Variants in YAP1 observed in about 807,000 individuals in gnomAD.
The protein encoded by YAP1 is Yes1 associated transcriptional regulator, also known as transcriptional coactivator YAP1.
A neutral mutation model predicts 56.9 loss-of-function variants in YAP1; 5 were observed. That is an observed-to-expected ratio of 0.09 (90% CI 0.05 to 0.18). The LOEUF is 0.18. YAP1 is among the 10% of genes least tolerant of loss of function. YAP1 has a pLI of 1.00. For missense variants in YAP1, 539 were observed against 651.8 expected, an observed-to-expected ratio of 0.83 and a Z score of 1.88; for synonymous variants, 265 against 248.1, an observed-to-expected ratio of 1.07 and a Z score of -0.64.
Position 102,176,417 on chromosome 11 carries a change from A to G in YAP1, c.689-9601A>G, listed in dbSNP as rs375952689. 1.2e-4 allele frequency among the ~76,000 whole-genome samples: 18 copies of G among 152,258 alleles called. No homozygotes were observed. The South Asian group carries it at 2.7e-3, about 23-fold the overall frequency. ...GGGAAGAGTCTTACTAGTGGGACAG[A>G]TTGGAGAAAAGCTTCACAAAGATAT... On this transcript the variant is annotated intron_variant, in intron 3 of 8. Transcript: ENST00000282441.
At chr11:102,158,953 T>C (rs1370122022) in intron 2 of YAP1, among the ~76,000 whole-genome samples, 1 of 152,222 alleles carries the variant, frequency 6.6e-6, no homozygotes, top group African/African-American at 2.4e-5. Flanking sequence ...TTAAGAAATA[T>C]TGTTTATTCT....
chr11:102,173,446 T>G (rs1947039213), intron 3 of YAP1, among the ~76,000 whole-genome samples: 1 of 152,190 alleles, frequency 6.6e-6, no homozygotes, highest in South Asian at 2.1e-4. Flanking sequence ...TTTCTTATAT[T>G]TAAAGCTACT....
rs116678079 is a variant in YAP1, at chr11:102,202,886, A to C, written c.803-3007A>C. Among the ~76,000 whole-genome samples the C allele has an allele frequency of 1.8e-3, 275 of 152,310 alleles. 1 individual carries two copies. The highest frequency in any genetic ancestry group is 6.3e-3 in the African/African-American group (260 of 41,562). ...TGCCACCAATGAAGTATTCTTGCCA[A>C]AAATTGTGATCAGGCCTCTATATTC... On this transcript the variant is annotated intron_variant, in intron 4 of 8. Coordinates refer to ENST00000282441, the MANE Select transcript of YAP1 (RefSeq NM_001130145.3).
chr11:102,178,008 TA>T (rs1947365123), intron 3 of YAP1, among the ~76,000 whole-genome samples: 1 of 152,190 alleles, frequency 6.6e-6, no homozygotes, highest in Admixed American at 6.5e-5. Flanking sequence ...TGCCACTTAC[TA>T]GGTTGGGCTG....
At chr11:102,153,134 A>G (rs975312479) in intron 2 of YAP1, among the ~76,000 whole-genome samples, 3 of 152,248 alleles carry the variant, frequency 2.0e-5, no homozygotes, top group African/African-American at 7.2e-5. Flanking sequence ...GATTTTAATC[A>G]CATCTCCATG....
chr11:102,166,721 A>G (rs1401098245), intron 3 of YAP1, among the ~76,000 whole-genome samples: 2 of 152,202 alleles, frequency 1.3e-5, no homozygotes, highest in Non-Finnish European at 2.9e-5. Flanking sequence ...TAATCATGCT[A>G]AATGCAACTT....
intron 5 of YAP1, 41 bp downstream of exon 5, chr11:102,206,115 G>T (rs994234843): frequency 1.9e-6 from 3 of 1,575,902 alleles, no homozygotes; most frequent in Admixed American, 1.8e-5. Context: ...ACTTTTGGGG[G>T]TTTGTTTTCT....
chr11:102,111,274 G>A, intron 1 of YAP1, 105 bp downstream of exon 1: 3 of 1,399,172 alleles, frequency 2.1e-6, no homozygotes, highest in Non-Finnish European at 2.9e-6. Context: ...GGGGGGTTGC[G>A]GGAACTCTAG....
chr11:102,150,705 T>C (rs1050915447), intron 2 of YAP1, among the ~76,000 whole-genome samples: 5 of 152,136 alleles, frequency 3.3e-5, no homozygotes, highest in Non-Finnish European at 7.4e-5. Context: ...TTAAAACATG[T>C]TAAAAATATA....
rs78622475 is a variant in YAP1, at chr11:102,130,352, C to A, written c.572+15958C>A. ...AGACCCTGCCTGGAACCAATTCTTA[C>A]CAGTGTTAAGGTCACAGTTAAAATT... is the stretch of plus-strand genomic sequence containing the variant. On this transcript the variant is annotated intron_variant, in intron 2 of 8. Transcript: ENST00000282441. 8.6e-3 allele frequency among the ~76,000 whole-genome samples: 1,314 copies of A among 152,150 alleles called. 19 individuals carry two copies. Among genetic ancestry groups the A allele is most frequent in the African/African-American group, 0.03 (1,245 of 41,512 alleles).
Position 102,232,326 on chromosome 11 carries a change from T to C in YAP1, c.*2386T>C. ...AGGGGGACCTTGATAGAGAACTTTA[T>C]AAACTTCTTTCTCTTTAATAAAGAC... On this transcript the variant is annotated 3_prime_UTR_variant, in exon 9 of 9. Transcript: ENST00000282441. The C allele has an allele frequency of 6.6e-6, 1 of 152,016 alleles. No homozygotes were observed. Among genetic ancestry groups the C allele is most frequent in the Non-Finnish European group, 1.5e-5 (1 of 67,998 alleles). The allele number at this position is 152,016 out of a possible 1,614,324, so 9.4% of individuals were successfully genotyped here.
intron 4 of YAP1, among the ~76,000 whole-genome samples, chr11:102,204,845 C>T (rs1949041733): frequency 6.6e-6 from 1 of 152,122 alleles, no homozygotes; most frequent in South Asian, 2.1e-4. Context: ...TTGTTATGCT[C>T]TGGAAGAGGC....
chr11:102,112,928 G>A (rs1245204911), intron 1 of YAP1, among the ~76,000 whole-genome samples: 1 of 152,132 alleles, frequency 6.6e-6, no homozygotes, highest in Non-Finnish European at 1.5e-5. Context: ...TTTTCTTCTA[G>A]TAAATAATTT....
chr11:102,143,773 AGTT>A (rs1945161369), intron 2 of YAP1, among the ~76,000 whole-genome samples: 1 of 152,248 alleles, frequency 6.6e-6, no homozygotes, highest in African/African-American at 2.4e-5. Flanking sequence ...TTGACTTAGA[AGTT>A]GATAAAGATT....
chr11:102,127,400 C>T (rs1944097066), intron 2 of YAP1, among the ~76,000 whole-genome samples: 2 of 152,190 alleles, frequency 1.3e-5, no homozygotes, highest in Admixed American at 1.3e-4. Context: ...TGAAAGGGGC[C>T]AACGTATGGC....
At chr11:102,134,650 C>T (rs1366170503) in intron 2 of YAP1, among the ~76,000 whole-genome samples, 2 of 152,022 alleles carry the variant, frequency 1.3e-5, no homozygotes, top group East Asian at 3.8e-4. Context: ...CTTCCACGTA[C>T]CTCTCACAGA....
At chr11:102,227,952 G>A (rs1950274432) in intron 8 of YAP1, among the ~76,000 whole-genome samples, 1 of 151,236 alleles carries the variant, frequency 6.6e-6, no homozygotes, top group South Asian at 2.1e-4. Flanking sequence ...CATGCCTGTA[G>A]TCCCAGCTAC....
In YAP1 at chr11:102,200,311, A is replaced by C. The variant is rs191456707; in HGVS notation, c.803-5582A>C. On this transcript the variant is annotated intron_variant, in intron 4 of 8. Transcript: ENST00000282441. Reference sequence around the variant, plus strand: ...CATACAACAGAAAAAATTGCAGTGGATCAGATTTGAGTTGCCAAGTAAATG... The same window carrying C: ...CATACAACAGAAAAAATTGCAGTGGCTCAGATTTGAGTTGCCAAGTAAATG... Among the ~76,000 whole-genome samples, 7 of 152,356 alleles carry C rather than the reference A, an allele frequency of 4.6e-5. No individual in the cohort carries two copies. The East Asian group carries it at 1.3e-3, about 29-fold the overall frequency.
intron 6 of YAP1, among the ~76,000 whole-genome samples, chr11:102,215,250 A>G (rs906495521): frequency 2.0e-5 from 3 of 152,214 alleles, no homozygotes; most frequent in Admixed American, 6.5e-5. Context: ...TACAAGACAT[A>G]TATTTTTAGA....
Sources: allele counts gnomAD v4.1 joint callset (sites outside exome capture counted in the v4.1 genomes callset), GRCh38; gene constraint gnomAD v4.1.1; transcripts MANE v1.5; gene names NCBI Gene and HGNC (gene_info 2026-07-23, HGNC 2026-07-21).